The following DGKB variants were observed in gnomAD, a reference collection of about 807,000 sequenced individuals.
DGKB encodes the protein 90 kDa diacylglycerol kinase.
A neutral mutation model predicts 114.3 loss-of-function variants in DGKB; 67 were observed. The observed-to-expected ratio is 0.59, with a 90% CI of 0.48 to 0.72. The LOEUF (loss-of-function observed/expected upper bound fraction) is 0.72. Ranked by LOEUF, DGKB falls within the 30% of genes least tolerant of loss-of-function variation. DGKB has a pLI of 0.00. For synonymous variants in DGKB, 398 were observed against 323.1 expected (o/e 1.23, Z -2.49); for missense variants, 907 against 975.2 (o/e 0.93, Z 0.93).
intron 23 of DGKB, among the ~76,000 whole-genome samples, chr7:14,303,990 T>A (rs1453919467): frequency 6.6e-6 from 1 of 150,766 alleles, no homozygotes; most frequent in African/African-American, 2.4e-5. Flanking sequence ...ACTTCTCTCT[T>A]TTATTTAATT....
At chr7:14,495,168 T>A (rs1785120143) in intron 20 of DGKB, among the ~76,000 whole-genome samples, 1 of 151,816 alleles carries the variant, frequency 6.6e-6, no homozygotes, top group African/African-American at 2.4e-5. Context: ...TCCTTCCTGA[T>A]ACACACAATG....
At chr7:14,943,047 T>C (rs1009214824) in intron 1 of DGKB, among the ~76,000 whole-genome samples, 39 of 152,094 alleles carry the variant, frequency 2.6e-4, no homozygotes, top group Middle Eastern at 3.4e-3. Context: ...TAATTGCTCA[T>C]TAAATATTCG....
At chr7:14,972,488 TTC>T (rs1405693429) in intron 1 of DGKB, among the ~76,000 whole-genome samples, 1 of 152,126 alleles carries the variant, frequency 6.6e-6, no homozygotes, top group Non-Finnish European at 1.5e-5. Context: ...TATCTTCTCT[TTC>T]TGTCTTGCTA....
At chr7:14,234,242 G>C (rs1374696727) in intron 23 of DGKB, among the ~76,000 whole-genome samples, 5 of 151,920 alleles carry the variant, frequency 3.3e-5, no homozygotes, top group Non-Finnish European at 7.4e-5. Context: ...ATGAACCCTT[G>C]TCCGTGCTAA....
At chr7:14,268,657 C>T (rs1448741804) in intron 23 of DGKB, among the ~76,000 whole-genome samples, 5 of 152,146 alleles carry the variant, frequency 3.3e-5, no homozygotes, top group East Asian at 1.9e-4. Context: ...CATTCAGTTT[C>T]GGGGAAATTT....
In DGKB at chr7:14,147,158, G is replaced by GT. The variant is rs957528213; in HGVS notation, c.*1972dup. On this transcript the variant is annotated 3_prime_UTR_variant, in exon 26 of 26. Coordinates refer to ENST00000402815, the MANE Select transcript of DGKB (RefSeq NM_001350709.2). The stretch of plus-strand genomic sequence containing the variant: ...GTGTGTGTTACGTAACATTATGTCA[G>GT]TAATGTACTTGTTACTGTTTTGAGA... The GT allele has an allele frequency of 4.8e-4, 73 of 152,244 alleles. No individual in the cohort carries two copies. Among genetic ancestry groups the GT allele is most frequent in the African/African-American group, 1.7e-3 (71 of 41,566 alleles). The allele number at this position is 152,244 out of a possible 1,614,324, so 9.4% of individuals were successfully genotyped here.
chr7:14,911,766 C>T (rs36846), intron 1 of DGKB, among the ~76,000 whole-genome samples: 19,015 of 152,176 alleles, frequency 0.12, 1,591 homozygotes, highest in Non-Finnish European at 0.19. Flanking sequence ...TGCGACAACG[C>T]TGTTTCATTT....
chr7:14,489,680 T>C (rs925321307), intron 20 of DGKB, among the ~76,000 whole-genome samples: 30 of 152,158 alleles, frequency 2.0e-4, no homozygotes, highest in Admixed American at 2.0e-4. Flanking sequence ...ATCATTAAAC[T>C]GAAGTGGGGA....
chr7:14,544,411 A>C (rs1793961047), intron 20 of DGKB, among the ~76,000 whole-genome samples: 1 of 152,236 alleles, frequency 6.6e-6, no homozygotes, highest in East Asian at 1.9e-4. Context: ...CTTGTAGAAC[A>C]AAGTGAATAA....
In DGKB at chr7:14,590,160, T is replaced by TA. The variant is rs1271929444; in HGVS notation, c.1434-7024dup. On this transcript the variant is annotated intron_variant, in intron 17 of 25. Transcript: ENST00000402815. Reference sequence around the variant, plus strand: ...ATGTACCCTAAAACTTAAAGTATAATAATAAAAAAAAAAACATTAAAGAGA... The same window carrying TA: ...ATGTACCCTAAAACTTAAAGTATAATAAATAAAAAAAAAAACATTAAAGAGA... Among the ~76,000 whole-genome samples, 58 of 122,156 alleles carry TA rather than the reference T, an allele frequency of 4.7e-4. 1 individual carries two copies. The highest frequency in any genetic ancestry group is 1.9e-3 in the African/African-American group (53 of 28,068). The allele number at this position is 122,156 out of a possible 152,430, so 80.1% of individuals were successfully genotyped here.
chr7:14,487,046 C>T (rs1021830000), intron 20 of DGKB, among the ~76,000 whole-genome samples: 3 of 152,124 alleles, frequency 2.0e-5, no homozygotes, highest in Admixed American at 6.5e-5. Flanking sequence ...TGGCAAGAGT[C>T]ATCTTGTTAA....
intron 20 of DGKB, among the ~76,000 whole-genome samples, chr7:14,547,657 T>C (rs1794496276): frequency 6.6e-6 from 1 of 152,110 alleles, no homozygotes; most frequent in Non-Finnish European, 1.5e-5. Context: ...GCATTATAGC[T>C]CTTAGCAAGA....
At chr7:14,748,414 G>T (rs1463795592) in intron 4 of DGKB, among the ~76,000 whole-genome samples, 1 of 152,188 alleles carries the variant, frequency 6.6e-6, no homozygotes, top group African/African-American at 2.4e-5. Flanking sequence ...ATTTAAAGGT[G>T]ATGAGGCACA....
chr7:14,711,121 G>A (rs1458665454), intron 6 of DGKB, among the ~76,000 whole-genome samples: 1 of 151,932 alleles, frequency 6.6e-6, no homozygotes, highest in Non-Finnish European at 1.5e-5. Flanking sequence ...AGGAAGGTTG[G>A]TCTGAAAATC....
chr7:14,882,442 T>C (rs756729183), intron 1 of DGKB, among the ~76,000 whole-genome samples: 7 of 152,078 alleles, frequency 4.6e-5, no homozygotes, highest in Non-Finnish European at 8.8e-5. Context: ...TTCTACTTTC[T>C]TTTTCTTATT....
intron 10 of DGKB, among the ~76,000 whole-genome samples, chr7:14,684,054 A>G (rs1008543723): frequency 3.3e-5 from 5 of 152,188 alleles, no homozygotes; most frequent in Admixed American, 6.5e-5. Flanking sequence ...TATAGGGAGA[A>G]TGTTCTAGTG....
intron 20 of DGKB, among the ~76,000 whole-genome samples, chr7:14,496,265 T>C (rs1785293321): frequency 6.6e-6 from 1 of 151,780 alleles, no homozygotes; most frequent in Non-Finnish European, 1.5e-5. Flanking sequence ...AAACTTATAA[T>C]AATTGCCTGA....
In DGKB at chr7:14,699,941, A is replaced by G. The variant is rs141263320; in HGVS notation, c.516+1740T>C. On this transcript the variant is annotated intron_variant, in intron 7 of 25. Transcript: ENST00000402815. ...ACTATTTGACTGAATTTTCAAATCA[A>G]CTGCCAACCCATGGCTAAAGCCTAG... Among the ~76,000 whole-genome samples, 1,430 of 152,266 alleles carry G rather than the reference A, an allele frequency of 9.4e-3. 27 individuals are homozygous for G. The highest frequency in any genetic ancestry group is 0.033 in the African/African-American group (1,376 of 41,546).
intron 21 of DGKB, among the ~76,000 whole-genome samples, chr7:14,387,097 A>ATTATTTATTTAT (rs140868127): frequency 7.1e-4 from 104 of 147,332 alleles, no homozygotes; most frequent in African/African-American, 1.9e-3. Flanking sequence ...GTTTCTTTTG[A>ATTATTTATTTAT]TTATTTATTT....
Sources: allele counts gnomAD v4.1 joint callset (sites outside exome capture counted in the v4.1 genomes callset), GRCh38; gene constraint gnomAD v4.1.1; transcripts MANE v1.5; gene names NCBI Gene and HGNC (gene_info 2026-07-23, HGNC 2026-07-21).